Variants in CHD2 observed in about 807,000 individuals in gnomAD.
CHD2 encodes the protein ATP-dependent chromatin remodeler CHD2.
In CHD2, 28 loss-of-function variants were observed where a neutral mutation model predicts 243.9. The ratio of observed to expected loss-of-function variants is 0.11; its 90% CI spans 0.09 to 0.16. The LOEUF (loss-of-function observed/expected upper bound fraction) is 0.16, where lower values mean the gene tolerates loss of function less well. Among genes scored for constraint, CHD2 ranks in the 10% least tolerant of loss-of-function variants. CHD2 has a pLI of 1.00. For synonymous variants in CHD2, 775 were observed against 779.0 expected (o/e 0.99, Z 0.09); for missense variants, 1,386 against 2,209.8 (o/e 0.63, Z 7.47).
At chr15:92,922,218 C>T (rs1352601600) in intron 2 of CHD2, among the ~76,000 whole-genome samples, 2 of 152,166 alleles carry the variant, frequency 1.3e-5, no homozygotes, top group Non-Finnish European at 2.9e-5. Context: ...CCCTCTTCCT[C>T]AATTTCTAGT....
intron 26 of CHD2, among the ~76,000 whole-genome samples, chr15:92,990,874 G>A (rs1369135269): frequency 6.6e-6 from 1 of 152,164 alleles, no homozygotes; most frequent in Non-Finnish European, 1.5e-5. Context: ...GCATAGTTTA[G>A]GGTAGAGACT....
At chr15:92,992,652 G>T (rs2054135276) in intron 27 of CHD2, among the ~76,000 whole-genome samples, 1 of 152,178 alleles carries the variant, frequency 6.6e-6, no homozygotes, top group African/African-American at 2.4e-5. Flanking sequence ...GAATATTCAA[G>T]ACACAATTCT....
At chr15:92,923,585 G>T (rs2053001790) in intron 2 of CHD2, among the ~76,000 whole-genome samples, 2 of 136,316 alleles carry the variant, frequency 1.5e-5, no homozygotes, top group African/African-American at 2.7e-5. Flanking sequence ...TTTTTTTCTG[G>T]AGACCAAGTC....
Position 92,997,191 on chromosome 15 carries a change from C to T in CHD2, c.3735-62C>T, listed in dbSNP as rs1005450736. 9.9e-6 allele frequency: 16 copies of T among 1,609,066 alleles called. No homozygotes were observed. Among genetic ancestry groups the T allele is most frequent in the Middle Eastern group, 1.7e-4 (1 of 6,056 alleles). On this transcript the variant is annotated intron_variant, in intron 29 of 38. Transcript: ENST00000394196. This position sits in a 1 kb window ranked among gnomAD's most constrained non-coding sequence, Gnocchi z 4.1. ...TAGTTCCATAGTATTTTTACTGTCTCTTCTTTAACATACCAAAAAGGCCCC... is the reference window on the plus strand; with the variant it reads ...TAGTTCCATAGTATTTTTACTGTCTTTTCTTTAACATACCAAAAAGGCCCC...
At position 93,014,649 on chromosome 15, in the gene CHD2, A is replaced by G. The variant is rs765124249; in HGVS notation, c.4693-47A>G. 27 of 1,557,628 alleles carry G rather than the reference A, an allele frequency of 1.7e-5. No homozygotes were observed. In the Admixed American group the frequency reaches 4.3e-4, roughly 25 times the overall value. ...GATAGCCTTTATTCTTCTCTGGGGA[A>G]TTAAGCCTGGGATCTTGAGCTTCTT... is the stretch of plus-strand genomic sequence containing the variant. On this transcript the variant is annotated intron_variant, in intron 36 of 38. Coordinates refer to ENST00000394196, the MANE Select transcript of CHD2 (RefSeq NM_001271.4).
intron 26 of CHD2, among the ~76,000 whole-genome samples, chr15:92,989,236 TGGCCA>T (rs1213267266): frequency 2.0e-5 from 3 of 152,102 alleles, no homozygotes; most frequent in Admixed American, 2.0e-4. Context: ...TTCACCATGT[TGGCCA>T]GGCTGGTCTC....
In CHD2 at chr15:92,993,013, C is replaced by CT. The variant is rs767906397; in HGVS notation, c.3595+18dup. ...TGCCAGCGAGGGTAAGCGAAGTTGG[C>CT]TTTAGTGAGTCTTCGCAACCTGGCA... On this transcript the variant is annotated intron_variant, in intron 28 of 38. Transcript: ENST00000394196. 87 of 1,612,572 alleles carry CT rather than the reference C, an allele frequency of 5.4e-5. 1 individual carries two copies. In the Admixed American group the frequency reaches 6.2e-4, roughly 11 times the overall value.
At position 92,941,942 on chromosome 15, in the gene CHD2, G is replaced by A. The variant is rs907174346; in HGVS notation, c.813G>A (p.Leu271=). 2 of 1,612,480 alleles carry A rather than the reference G, an allele frequency of 1.2e-6. No individual in the cohort carries two copies. Among genetic ancestry groups the A allele is most frequent in the Admixed American group, 3.4e-5 (2 of 59,630 alleles). Residue 271 remains leucine (L), a synonymous_variant, in exon 8 of 39, where the codon CTG becomes CTA. Coordinates refer to ENST00000394196, the MANE Select transcript of CHD2 (RefSeq NM_001271.4). ...ETIEKVLDSR[L]GKKGATGAST... is the part of the protein sequence containing the mutation. ...TTGAAAAGGTCTTAGATTCAAGACT[G>A]GGAAAGAAAGGAGGTATGTGTATTT...
At chr15:93,004,104 A>G (rs2054290728) in intron 33 of CHD2, among the ~76,000 whole-genome samples, 1 of 150,640 alleles carries the variant, frequency 6.6e-6, no homozygotes, top group Admixed American at 6.6e-5. Context: ...GGCCAGGATG[A>G]CAGAGCGAGA....
intron 2 of CHD2, chr15:92,904,509 C>G: frequency 4.0e-6 from 4 of 993,204 alleles, no homozygotes; most frequent in Non-Finnish European, 4.8e-6. Flanking sequence ...GAAGGGAACT[C>G]TAGTTGGGAC....
chr15:92,968,988 C>T (rs1299542016), intron 17 of CHD2, among the ~76,000 whole-genome samples: 1 of 152,168 alleles, frequency 6.6e-6, no homozygotes, highest in Non-Finnish European at 1.5e-5. Context: ...CTAGAGTCAG[C>T]CATTTATCCA....
chr15:92,913,280 G>A (rs1219467364), intron 2 of CHD2, among the ~76,000 whole-genome samples: 4 of 152,188 alleles, frequency 2.6e-5, no homozygotes, highest in South Asian at 2.1e-4. Context: ...TTGGGCAGGA[G>A]TGTCTGAGCC....
At chr15:93,017,132 G>A (rs1472564018) in intron 37 of CHD2, among the ~76,000 whole-genome samples, 1 of 152,132 alleles carries the variant, frequency 6.6e-6, no homozygotes, top group African/African-American at 2.4e-5. Context: ...CACTCTGCGG[G>A]TTGTCTGTTC....
chr15:92,925,387 C>G (rs1043032568), intron 3 of CHD2, among the ~76,000 whole-genome samples: 1 of 152,166 alleles, frequency 6.6e-6, no homozygotes, highest in Admixed American at 6.5e-5. Context: ...TAGATATCGG[C>G]TCTCAAAAGG....
intron 14 of CHD2, among the ~76,000 whole-genome samples, chr15:92,954,947 C>T (rs1333587020): frequency 6.6e-6 from 1 of 152,210 alleles, no homozygotes; most frequent in Non-Finnish European, 1.5e-5. Context: ...ATTATATTTT[C>T]ATCTTACAAG....
At chr15:92,905,806 A>G (rs2052610419) in intron 2 of CHD2, among the ~76,000 whole-genome samples, 1 of 152,238 alleles carries the variant, frequency 6.6e-6, no homozygotes, top group Admixed American at 6.5e-5. Context: ...AAATGCTAAC[A>G]GAGAATTAAG....
chr15:93,015,419 G>A (rs1050544697), intron 37 of CHD2, among the ~76,000 whole-genome samples: 1 of 152,110 alleles, frequency 6.6e-6, no homozygotes, highest in Non-Finnish European at 1.5e-5. Flanking sequence ...GAAGAACCCA[G>A]CTAACATGAA....
intron 37 of CHD2, 32 bp from the exon 38 acceptor site, chr15:93,019,980 C>T (rs745329225): frequency 6.3e-7 from 1 of 1,576,122 alleles, no homozygotes; most frequent in Non-Finnish European, 8.6e-7. Context: ...CCATTTCTTG[C>T]AGTCATCAGA....
At chr15:92,972,530 G>A (rs141376715) in intron 19 of CHD2, 113 bp downstream of exon 19, 2 of 970,582 alleles carry the variant, frequency 2.1e-6, no homozygotes, top group East Asian at 2.8e-5. Context: ...GGAAGTAAGA[G>A]TTTTCTTGTT....
Sources: gnomAD v4.1 joint callset for allele counts (sites outside exome capture counted in the v4.1 genomes callset) on GRCh38, gnomAD v4.1.1 for gene constraint, Gnocchi (gnomAD v3.1) non-coding constraint, MANE v1.5 for transcripts, NCBI Gene and HGNC (gene_info 2026-07-23, HGNC 2026-07-21) for gene names.